SMAP1: variants seen among roughly 807,000 people sequenced by gnomAD.
The protein encoded by SMAP1 is stromal membrane-associated protein 1.
In SMAP1, 24 loss-of-function variants were observed where a neutral mutation model predicts 58.5. The ratio of observed to expected loss-of-function variants is 0.41; its 90% CI spans 0.30 to 0.58. The LOEUF is 0.58. Ranked by LOEUF, SMAP1 falls within the 20% of genes least tolerant of loss-of-function variation. SMAP1 has a pLI of 0.29. For missense variants in SMAP1, 563 were observed against 566.3 expected (o/e 0.99, Z 0.06); for synonymous variants, 216 against 196.6 (o/e 1.10, Z -0.82).
chr6:70,736,408 ATAT>A, intron 2 of SMAP1, among the ~76,000 whole-genome samples: 1 of 151,558 alleles, frequency 6.6e-6, no homozygotes, highest in Admixed American at 6.6e-5. Context: ...CCCACCCAAG[ATAT>A]TATACATTTG....
At chr6:70,798,959 G>C (rs534159211) in intron 6 of SMAP1, among the ~76,000 whole-genome samples, 1 of 152,128 alleles carries the variant, frequency 6.6e-6, no homozygotes, top group African/African-American at 2.4e-5. Context: ...GAGTTCCTTG[G>C]AGACAGGTAT....
chr6:70,729,003 CT>C (rs886510861), intron 1 of SMAP1, among the ~76,000 whole-genome samples: 10 of 149,960 alleles, frequency 6.7e-5, no homozygotes, highest in Admixed American at 2.7e-4. Flanking sequence ...TATTGAACAT[CT>C]TTTTTTTTTC....
chr6:70,822,975 T>C (rs972923212), intron 6 of SMAP1, among the ~76,000 whole-genome samples: 1 of 152,164 alleles, frequency 6.6e-6, no homozygotes, highest in African/African-American at 2.4e-5. Flanking sequence ...TCTTTATTTC[T>C]TTTTTAATCT....
intron 1 of SMAP1, among the ~76,000 whole-genome samples, chr6:70,709,342 CT>C (rs958576045): frequency 6.6e-6 from 1 of 151,570 alleles, no homozygotes; most frequent in Non-Finnish European, 1.5e-5. Context: ...CTTTATAATA[CT>C]TTTTTTTTCT....
chr6:70,791,815 A>AAATTAACT lies in SMAP1; in HGVS notation c.495+47_495+54dup, dbSNP rs1275369048. On this transcript the variant is annotated intron_variant, in intron 5 of 10. Coordinates refer to ENST00000370455, the MANE Select transcript of SMAP1 (RefSeq NM_001044305.3). ...GCTACATTATGTAGTGTTAAATGGT[A>AAATTAACT]AATTAACTTCCTTTTGCAGTGTGTC... The AAATTAACT allele has an allele frequency of 2.0e-6, 3 of 1,483,560 alleles. No homozygotes were observed. In the South Asian group the frequency reaches 3.5e-5, roughly 17 times the overall value. The allele number at this position is 1,483,560 out of a possible 1,614,324, so 91.9% of individuals were successfully genotyped here.
chr6:70,753,826 C>T (rs1236276018), intron 2 of SMAP1, among the ~76,000 whole-genome samples: 1 of 151,946 alleles, frequency 6.6e-6, no homozygotes, highest in African/African-American at 2.4e-5. Flanking sequence ...CATTACTTCA[C>T]TTTCTCATTA....
intron 1 of SMAP1, among the ~76,000 whole-genome samples, chr6:70,704,784 C>T (rs932307974): frequency 6.6e-6 from 1 of 152,218 alleles, no homozygotes; most frequent in Non-Finnish European, 1.5e-5. Context: ...TAGTTGGACT[C>T]TGCATCTAAT....
At chr6:70,702,513 C>A (rs565952836) in intron 1 of SMAP1, among the ~76,000 whole-genome samples, 1 of 152,000 alleles carries the variant, frequency 6.6e-6, no homozygotes, top group Non-Finnish European at 1.5e-5. Context: ...TAGTTCTTAT[C>A]CCAGTCATTA....
intron 1 of SMAP1, among the ~76,000 whole-genome samples, chr6:70,727,466 G>T (rs181187171): frequency 9.2e-5 from 14 of 152,170 alleles, no homozygotes; most frequent in Non-Finnish European, 1.8e-4. Context: ...AATATTGTTG[G>T]CTGACATTAA....
At chr6:70,853,865 A>G (rs1350966928) in intron 8 of SMAP1, among the ~76,000 whole-genome samples, 1 of 152,236 alleles carries the variant, frequency 6.6e-6, no homozygotes, top group Non-Finnish European at 1.5e-5. Context: ...ATATTTGACA[A>G]CCAGAATGTG....
chr6:70,798,711 C>G lies in SMAP1; in HGVS notation c.550C>G (p.Pro184Ala). The G allele has an allele frequency of 6.4e-7, 1 of 1,558,384 alleles. No homozygotes were observed. Among genetic ancestry groups the G allele is most frequent in the Non-Finnish European group, 8.7e-7 (1 of 1,152,864 alleles). ...AAAGAGAGAAAAGGAGCCAGAAAAG[C>G]CGGCAAAACCACTTACAGCTGAAAA... ...EKKREKEPEK[P>A]AKPLTAEKLQ... The change falls in exon 6 of 11, where the codon CCG becomes GCG. Residue 184 changes from proline to alanine, a missense_variant. Physicochemically the swap from Pro to Ala is conservative, Grantham distance 27. Coordinates refer to ENST00000370455, the MANE Select transcript of SMAP1 (RefSeq NM_001044305.3).
intron 1 of SMAP1, among the ~76,000 whole-genome samples, chr6:70,689,774 C>T (rs959332847): frequency 2.0e-5 from 3 of 151,898 alleles, no homozygotes; most frequent in Admixed American, 1.3e-4. Context: ...AGTGTATGGG[C>T]CTTCCTTATT....
chr6:70,860,097 C>A, intron 10 of SMAP1, 103 bp from the exon 11 acceptor site: 1 of 1,304,494 alleles, frequency 7.7e-7, no homozygotes, highest in Non-Finnish European at 1.0e-6. Context: ...AGTGCTTGGA[C>A]TAGTTGTCAC....
intron 4 of SMAP1, among the ~76,000 whole-genome samples, chr6:70,783,693 A>G (rs1265810813): frequency 4.6e-5 from 7 of 152,208 alleles, no homozygotes; most frequent in Non-Finnish European, 8.8e-5. Flanking sequence ...ACTGGAAGAA[A>G]GGGTATCAGT....
intron 5 of SMAP1, among the ~76,000 whole-genome samples, chr6:70,792,530 A>G (rs1768408815): frequency 6.6e-6 from 1 of 151,918 alleles, no homozygotes; most frequent in African/African-American, 2.4e-5. Context: ...TTATAATACA[A>G]TATATTATGG....
At chr6:70,757,172 T>A (rs1309687332) in intron 3 of SMAP1, among the ~76,000 whole-genome samples, 1 of 150,900 alleles carries the variant, frequency 6.6e-6, no homozygotes. Context: ...AAAACAGAGA[T>A]ATAGATCAAT....
Position 70,754,964 on chromosome 6 carries a change from A to C in SMAP1, c.253-16A>C, listed in dbSNP as rs572813708. 1.3e-6 allele frequency: 2 copies of C among 1,578,100 alleles called. No individual in the cohort carries two copies. Among genetic ancestry groups the C allele is most frequent in the Non-Finnish European group, 1.7e-6 (2 of 1,157,162 alleles). ...TAATGTTTATGTGAGTAATTAAAAA[A>C]TTTTTTTTATTATAGTGCATGCAAG... On this transcript the variant is annotated splice_polypyrimidine_tract_variant and intron_variant, in intron 2 of 10. Transcript: ENST00000370455.
At chr6:70,730,670 T>TG (rs112192002) in intron 1 of SMAP1, among the ~76,000 whole-genome samples, 5 of 152,156 alleles carry the variant, frequency 3.3e-5, no homozygotes, top group African/African-American at 4.8e-5. Flanking sequence ...TTAAGGAATT[T>TG]GGGGGGGCAT....
chr6:70,740,475 A>AC (rs1765769289), intron 2 of SMAP1, among the ~76,000 whole-genome samples: 1 of 81,860 alleles, frequency 1.2e-5, no homozygotes, highest in African/African-American at 7.4e-5. Context: ...CAAAAAAAAA[A>AC]AAACAAAAAA....
Sources: gnomAD v4.1 joint callset for allele counts (sites outside exome capture counted in the v4.1 genomes callset) on GRCh38, gnomAD v4.1.1 for gene constraint, MANE v1.5 for transcripts, NCBI Gene and HGNC (gene_info 2026-07-23, HGNC 2026-07-21) for gene names.